The following PAK3 variants were observed in gnomAD, a reference collection of about 807,000 sequenced individuals.
PAK3 encodes the protein serine/threonine-protein kinase PAK 3.
A neutral mutation model predicts 41.0 loss-of-function variants in PAK3; 4 were observed. That is an observed-to-expected ratio of 0.10 (90% CI 0.05 to 0.22). The LOEUF is 0.22. PAK3 is among the 10% of genes least tolerant of loss of function. PAK3 has a pLI of 1.00. For missense variants in PAK3, 205 were observed against 409.9 expected, an observed-to-expected ratio of 0.50 and a Z score of 4.32; for synonymous variants, 146 against 139.6, an observed-to-expected ratio of 1.05 and a Z score of -0.32.
intron 1 of PAK3, among the ~76,000 whole-genome samples, chrX:110,993,402 G>A (rs931679103): frequency 1.2e-4 from 13 of 110,883 alleles, no homozygotes; most frequent in African/African-American, 3.9e-4. Flanking sequence ...ATTCCAACCC[G>A]TCTGAGCTTA....
intron 1 of PAK3, among the ~76,000 whole-genome samples, chrX:111,080,833 G>A (rs950695944): frequency 4.5e-5 from 5 of 111,938 alleles, no homozygotes; most frequent in South Asian, 3.8e-4. Context: ...ATTAGCCTAC[G>A]TGTCCATCAA....
chrX:111,063,965 C>G (rs2092680881), intron 1 of PAK3, among the ~76,000 whole-genome samples: 1 of 111,843 alleles, frequency 8.9e-6, no homozygotes, highest in Non-Finnish European at 1.9e-5. Flanking sequence ...GATTCAACCC[C>G]TGAATAACTA....
intron 1 of PAK3, among the ~76,000 whole-genome samples, chrX:110,948,750 A>G (rs1267238362): frequency 4.5e-5 from 5 of 111,596 alleles, no homozygotes; most frequent in Admixed American, 9.5e-5. Flanking sequence ...AGAGTACTCT[A>G]TACTCAGATT....
intron 16 of PAK3, among the ~76,000 whole-genome samples, chrX:111,213,539 G>T (rs1365595530): frequency 8.9e-6 from 1 of 111,886 alleles, no homozygotes; most frequent in African/African-American, 3.2e-5. Flanking sequence ...AATATATTAA[G>T]CTAAGAATGG....
intron 1 of PAK3, among the ~76,000 whole-genome samples, chrX:110,979,073 A>G (rs941324206): frequency 9.0e-6 from 1 of 111,130 alleles, no homozygotes; most frequent in African/African-American, 3.3e-5. Flanking sequence ...TCAAAGAATG[A>G]TTAATTTCAT....
intron 1 of PAK3, among the ~76,000 whole-genome samples, chrX:111,057,341 G>A (rs774291010): frequency 1.8e-5 from 2 of 111,687 alleles, no homozygotes; most frequent in Non-Finnish European, 3.8e-5. Flanking sequence ...ATATCCATAT[G>A]ATCACCACCT....
chrX:110,954,729 T>G (rs2090818598), intron 1 of PAK3, among the ~76,000 whole-genome samples: 1 of 111,794 alleles, frequency 8.9e-6, no homozygotes, highest in Admixed American at 9.5e-5. Flanking sequence ...TTAGTCTTGA[T>G]TCTTGTGAAT....
chrX:111,188,103 A>G (rs16986417), intron 11 of PAK3, among the ~76,000 whole-genome samples: 8,731 of 108,944 alleles, frequency 0.08, 822 homozygotes, highest in African/African-American at 0.26. Flanking sequence ...ATTTGTCGCA[A>G]TTTTATACCA....
chrX:111,012,116 A>ATGGTAAACATATTTACCAGTGT (rs2148709332), intron 1 of PAK3, among the ~76,000 whole-genome samples: 1 of 111,588 alleles, frequency 9.0e-6, no homozygotes, highest in Admixed American at 9.5e-5. Flanking sequence ...TAATTATAAT[A>ATGGTAAACATATTTACCAGTGT]TGGTAAACAT....
At chrX:110,977,199 T>A in intron 1 of PAK3, among the ~76,000 whole-genome samples, 1 of 110,291 alleles carries the variant, frequency 9.1e-6, no homozygotes, top group Admixed American at 9.8e-5. Context: ...GTTTGAATCA[T>A]CTTGAGATAA....
chrX:111,160,910 G>C (rs765962141), intron 8 of PAK3, among the ~76,000 whole-genome samples: 1 of 111,502 alleles, frequency 9.0e-6, no homozygotes, highest in Non-Finnish European at 1.9e-5. Context: ...ATTGTGAATA[G>C]TGCCACAATA....
intron 8 of PAK3, among the ~76,000 whole-genome samples, 187 bp from the exon 9 acceptor site, chrX:111,162,728 A>C (rs1424430960): frequency 9.0e-6 from 1 of 111,725 alleles, no homozygotes; most frequent in Non-Finnish European, 1.9e-5. Context: ...ATCTCTGAAT[A>C]AGTTCAGAGA....
chrX:111,069,258 G>C (rs2092724173), intron 1 of PAK3, among the ~76,000 whole-genome samples: 1 of 111,647 alleles, frequency 9.0e-6, no homozygotes, highest in Non-Finnish European at 1.9e-5. Flanking sequence ...TAATCCTACT[G>C]GTTTGTAGCT....
chrX:111,026,828 CA>C (rs986378759), intron 1 of PAK3, among the ~76,000 whole-genome samples: 24 of 111,259 alleles, frequency 2.2e-4, no homozygotes, highest in Non-Finnish European at 4.2e-4. Flanking sequence ...AATATGGAAG[CA>C]AAAAAGAGCC....
At chrX:110,978,486 A>G (rs760164229) in intron 1 of PAK3, among the ~76,000 whole-genome samples, 2 of 111,053 alleles carry the variant, frequency 1.8e-5, no homozygotes, top group African/African-American at 6.5e-5. Context: ...GTGGATTACA[A>G]TGGTTGATTT....
intron 1 of PAK3, among the ~76,000 whole-genome samples, chrX:110,953,967 A>G (rs932651600): frequency 2.7e-5 from 3 of 111,956 alleles, no homozygotes; most frequent in African/African-American, 6.5e-5. Flanking sequence ...ATCCTATTTC[A>G]AATTTCTATT....
rs192190466 is a variant in PAK3, at chrX:111,148,985, C to T, written c.430+1095C>T. Among the ~76,000 whole-genome samples the T allele has an allele frequency of 1.1e-4, 12 of 111,595 alleles. No homozygotes were observed. In the East Asian group the frequency reaches 3.1e-3, roughly 29 times the overall value. ...AGACAAAGCAAGTCCCTTTTGCCTACGAGCCTGTAAAATCAAAAGTAAGCT... is the reference window on the plus strand; with the variant it reads ...AGACAAAGCAAGTCCCTTTTGCCTATGAGCCTGTAAAATCAAAAGTAAGCT... On this transcript the variant is annotated intron_variant, in intron 7 of 17. Transcript: ENST00000372007.
rs1159186367 is a variant in PAK3 at position 111,221,471 on chromosome X, A to T, written c.*1024A>T. 1 of 112,422 alleles carries T rather than the reference A, an allele frequency of 8.9e-6. No homozygotes were observed. The highest frequency in any genetic ancestry group is 1.9e-5 in the Non-Finnish European group (1 of 53,253). 9.3% of individuals were successfully genotyped at this position (112,422 alleles called of 1,213,427 possible). ...AATCCTTGTTGGACATTAAGTAAAC[A>T]AAGATAATGATACCTAAATTAATCC... On this transcript the variant is annotated 3_prime_UTR_variant, in exon 18 of 18. Transcript: ENST00000372007.
intron 1 of PAK3, among the ~76,000 whole-genome samples, chrX:110,954,598 T>C (rs139236592): frequency 1.8e-5 from 2 of 111,663 alleles, no homozygotes; most frequent in East Asian, 5.7e-4. Flanking sequence ...TCTTCTTGGG[T>C]GTGACCAGTC....
Sources: allele counts gnomAD v4.1 joint callset (sites outside exome capture counted in the v4.1 genomes callset), GRCh38; gene constraint gnomAD v4.1.1; transcripts MANE v1.5; gene names NCBI Gene and HGNC (gene_info 2026-07-23, HGNC 2026-07-21).